Variants in SH3D19 observed in about 807,000 individuals in gnomAD.
The protein encoded by SH3D19 is SH3 domain containing 19.
A neutral mutation model predicts 112.1 loss-of-function variants in SH3D19; 58 were observed. The ratio of observed to expected loss-of-function variants is 0.52; its 90% CI spans 0.42 to 0.64. The LOEUF (loss-of-function observed/expected upper bound fraction) is 0.64. SH3D19 is among the 30% of genes least tolerant of loss of function. The pLI is 0.00. For missense variants in SH3D19, 1,090 were observed against 1,263.4 expected (o/e 0.86, Z 2.08); for synonymous variants, 391 against 448.5 (o/e 0.87, Z 1.62).
chr4:151,201,366 A>T (rs1290911264), intron 2 of SH3D19, among the ~76,000 whole-genome samples: 1 of 152,230 alleles, frequency 6.6e-6, no homozygotes, highest in African/African-American at 2.4e-5. Context: ...TAAAATAAAA[A>T]TACAGGGTGT....
intron 1 of SH3D19, among the ~76,000 whole-genome samples, chr4:151,317,467 A>C (rs1730099141): frequency 6.6e-6 from 1 of 152,204 alleles, no homozygotes; most frequent in Non-Finnish European, 1.5e-5. Flanking sequence ...CTAAGGGAAA[A>C]CAGTGAATAT....
At chr4:151,318,513 C>A (rs1730240927) in intron 1 of SH3D19, among the ~76,000 whole-genome samples, 1 of 152,082 alleles carries the variant, frequency 6.6e-6, no homozygotes, top group African/African-American at 2.4e-5. Context: ...GATGACACTG[C>A]AGATTTACCT....
intron 1 of SH3D19, among the ~76,000 whole-genome samples, chr4:151,227,482 C>T (rs1018456721): frequency 6.6e-6 from 1 of 152,218 alleles, no homozygotes; most frequent in African/African-American, 2.4e-5. Flanking sequence ...AATTTTTCTA[C>T]ACTGTGACTT....
rs114877342 is a variant in SH3D19, at chr4:151,184,048, T to G, written c.193+3375A>C. Among the ~76,000 whole-genome samples, 200 of 152,316 alleles carry G rather than the reference T, an allele frequency of 1.3e-3. 1 individual carries two copies. The highest frequency in any genetic ancestry group is 2.3e-3 in the Non-Finnish European group (157 of 68,024). ...TAAGTCTGAATTTCAGAAAATAATT[T>G]TCTCTTAAAAAGTTAATGAAAGGAA... On this transcript the variant is annotated intron_variant, in intron 3 of 19. Transcript: ENST00000604030.
chr4:151,277,187 C>T (rs1773710682), intron 1 of SH3D19: 1 of 1,495,720 alleles, frequency 6.7e-7, no homozygotes, highest in South Asian at 1.3e-5. Context: ...GCCCTGCTGG[C>T]TGTGCCTTCA....
At chr4:151,199,072 G>T (rs1306979883) in intron 2 of SH3D19, among the ~76,000 whole-genome samples, 1 of 143,974 alleles carries the variant, frequency 6.9e-6, no homozygotes, top group Non-Finnish European at 1.5e-5. Context: ...TAGATACCAA[G>T]AACATATTTG....
intron 4 of SH3D19, among the ~76,000 whole-genome samples, 161 bp from the exon 5 acceptor site, chr4:151,177,116 T>C (rs1047637588): frequency 6.6e-6 from 1 of 152,248 alleles, no homozygotes; most frequent in Non-Finnish European, 1.5e-5. Context: ...TCTCTGACAG[T>C]ACACCCAGAC....
intron 2 of SH3D19, among the ~76,000 whole-genome samples, chr4:151,198,389 TAA>T (rs1011696895): frequency 6.4e-5 from 9 of 141,432 alleles, no homozygotes; most frequent in African/African-American, 2.3e-4. Context: ...ATATAATATA[TAA>T]TATATATCAT....
chr4:151,194,016 A>ATTTTTTTTTTTTTT lies in SH3D19; in HGVS notation c.153-6567_153-6554dup, dbSNP rs201719037. Among the ~76,000 whole-genome samples, 29 of 111,898 alleles carry ATTTTTTTTTTTTTT rather than the reference A, an allele frequency of 2.6e-4. 2 individuals carry two copies. Among genetic ancestry groups the ATTTTTTTTTTTTTT allele is most frequent in the African/African-American group, 1.1e-3 (25 of 22,454 alleles). The allele number at this position is 111,898 out of a possible 152,430, so 73.4% of individuals were successfully genotyped here. A position where few individuals can be genotyped will look rare whatever the true frequency, so the allele number is the denominator to read the frequency against. ...GATGTGTAGCAGTATAGTAGGATTA[A>ATTTTTTTTTTTTTT]TTTTTTTTTTTTTTTTTTTTTTTTT... On this transcript the variant is annotated intron_variant, in intron 2 of 19. Coordinates refer to ENST00000604030, the MANE Select transcript of SH3D19 (RefSeq NM_001378122.1).
chr4:151,120,835 G>T lies in SH3D19; in HGVS notation c.*1256C>A, dbSNP rs148281787. 6.5e-6 allele frequency: 1 copy of T among 152,688 alleles called. No homozygotes were observed. Among genetic ancestry groups the T allele is most frequent in the Non-Finnish European group, 1.5e-5 (1 of 68,014 alleles). The allele number at this position is 152,688 out of a possible 1,614,324, so 9.5% of individuals were successfully genotyped here. On this transcript the variant is annotated 3_prime_UTR_variant, in exon 20 of 20. Coordinates refer to ENST00000604030, the MANE Select transcript of SH3D19 (RefSeq NM_001378122.1). ...CTTCTCAAAAACAGAAGAAAGTCAT[G>T]ACCATTGTTGGGAAAGTGTTTTACA...
intron 1 of SH3D19, chr4:151,282,298 TC>T: frequency 6.2e-7 from 1 of 1,613,952 alleles, no homozygotes; most frequent in Non-Finnish European, 8.5e-7. Flanking sequence ...AACTGTCCTC[TC>T]AAGTCACCTT....
chr4:151,173,273 A>C (rs1268052578), intron 7 of SH3D19, among the ~76,000 whole-genome samples: 1 of 152,270 alleles, frequency 6.6e-6, no homozygotes, highest in Non-Finnish European at 1.5e-5. Flanking sequence ...TTTATATAAG[A>C]AAATGGTATT....
Position 151,149,539 on chromosome 4 carries a change from G to T in SH3D19, c.1778C>A (p.Thr593Lys), listed in dbSNP as rs199946044. Residue 593 changes from threonine (T) to lysine (K), a missense_variant, in exon 10 of 20, where the codon ACA (threonine) becomes AAA (lysine). By Grantham distance (78) the Thr-to-Lys change is moderately conservative. Coordinates refer to ENST00000604030, the MANE Select transcript of SH3D19 (RefSeq NM_001378122.1). ...TGGGGGTACTCGCACAAAACCTCCT[G>T]TTTGACCTGGGTGGTTGGATTCCTG... is the stretch of plus-strand genomic sequence containing the variant. Reference protein sequence around the residue: ...RNLESNHPGQTGGFVRVPPRL... With the variant: ...RNLESNHPGQKGGFVRVPPRL... 4.3e-6 allele frequency: 7 copies of T among 1,611,596 alleles called. No homozygotes were observed. The highest frequency in any genetic ancestry group is 5.1e-6 in the Non-Finnish European group (6 of 1,178,758).
intron 2 of SH3D19, among the ~76,000 whole-genome samples, chr4:151,214,381 G>C (rs1296947304): frequency 7.1e-6 from 1 of 141,336 alleles, no homozygotes; most frequent in Non-Finnish European, 1.6e-5. Flanking sequence ...ATGGGCTGTT[G>C]GGCACACCTC....
intron 1 of SH3D19, among the ~76,000 whole-genome samples, chr4:151,314,815 C>G (rs1729832480): frequency 6.6e-6 from 1 of 152,192 alleles, no homozygotes; most frequent in South Asian, 2.1e-4. Flanking sequence ...ATTCTCAGTG[C>G]TTCGGTTCCA....
intron 2 of SH3D19, among the ~76,000 whole-genome samples, chr4:151,193,203 T>G (rs1244753823): frequency 6.6e-6 from 1 of 152,200 alleles, no homozygotes; most frequent in African/African-American, 2.4e-5. Flanking sequence ...TGGACTCAGT[T>G]GCCAGTTACA....
At chr4:151,291,687 G>A (rs1775349899) in intron 1 of SH3D19, among the ~76,000 whole-genome samples, 1 of 152,154 alleles carries the variant, frequency 6.6e-6, no homozygotes, top group Non-Finnish European at 1.5e-5. Context: ...AGACTAATGT[G>A]TCTTCCAAGG....
chr4:151,139,454 G>A (rs1489190808), intron 13 of SH3D19, among the ~76,000 whole-genome samples: 1 of 152,142 alleles, frequency 6.6e-6, no homozygotes, highest in African/African-American at 2.4e-5. Context: ...GCCCGGCCTA[G>A]TACCCACTAT....
At chr4:151,292,292 C>T (rs1294188055) in intron 1 of SH3D19, among the ~76,000 whole-genome samples, 3 of 151,546 alleles carry the variant, frequency 2.0e-5, no homozygotes, top group Admixed American at 1.3e-4. Flanking sequence ...GAGCAAGACC[C>T]TGTCTTTAAA....
Sources: allele counts gnomAD v4.1 joint callset (sites outside exome capture counted in the v4.1 genomes callset), GRCh38; gene constraint gnomAD v4.1.1; transcripts MANE v1.5; gene names NCBI Gene and HGNC (gene_info 2026-07-23, HGNC 2026-07-21).